The following DLGAP2 variants were observed in gnomAD, a reference collection of about 807,000 sequenced individuals.
DLGAP2 encodes DLG associated protein 2, also known as disks large-associated protein 2.
DLGAP2 carries 26 observed loss-of-function variants against 100.3 expected under a neutral mutation model. That is an observed-to-expected ratio of 0.26 (90% CI 0.19 to 0.36). The LOEUF (loss-of-function observed/expected upper bound fraction) is 0.36, where lower values mean the gene tolerates loss of function less well. DLGAP2 is among the 10% of genes least tolerant of loss of function. The pLI is 1.00. For synonymous variants in DLGAP2, 886 were observed against 630.1 expected (o/e 1.41, Z -6.08); for missense variants, 1,858 against 1,453.2 (o/e 1.28, Z -4.53).
At chr8:1,573,251 T>A (rs111244223) in intron 6 of DLGAP2, among the ~76,000 whole-genome samples, 28 of 119,194 alleles carry the variant, frequency 2.3e-4, no homozygotes, top group Middle Eastern at 5.1e-3. Context: ...GGGCGTCTTC[T>A]GGGATGGAGA....
intron 3 of DLGAP2, among the ~76,000 whole-genome samples, chr8:1,469,364 C>T (rs557972463): frequency 7.2e-5 from 11 of 152,348 alleles, no homozygotes; most frequent in South Asian, 2.1e-4. Flanking sequence ...TTTATTCTGG[C>T]TCCTAGGAGC....
intron 3 of DLGAP2, among the ~76,000 whole-genome samples, chr8:1,362,647 G>A (rs926368503): frequency 9.2e-5 from 14 of 152,170 alleles, no homozygotes; most frequent in African/African-American, 3.4e-4. Context: ...AGCTTTCTCT[G>A]AAAGCATTTT....
chr8:1,552,302 C>A (rs376066234), intron 5 of DLGAP2, among the ~76,000 whole-genome samples: 9 of 152,354 alleles, frequency 5.9e-5, no homozygotes, highest in African/African-American at 1.9e-4. Context: ...AGGGCGTTTT[C>A]TTGCAGTAGC....
At chr8:1,270,469 T>C (rs1302114216) in intron 3 of DLGAP2, among the ~76,000 whole-genome samples, 1 of 152,214 alleles carries the variant, frequency 6.6e-6, no homozygotes, top group African/African-American at 2.4e-5. Context: ...GTTTCCACTC[T>C]TGCCTTACGT....
chr8:814,844 C>T (rs1215302709), intron 1 of DLGAP2, among the ~76,000 whole-genome samples: 2 of 120,654 alleles, frequency 1.7e-5, no homozygotes, highest in Non-Finnish European at 3.3e-5. Flanking sequence ...GAGCAAGACT[C>T]CGTCTCAAAA....
intron 2 of DLGAP2, among the ~76,000 whole-genome samples, chr8:951,590 C>T (rs1799481340): frequency 6.6e-6 from 1 of 152,100 alleles, no homozygotes; most frequent in Non-Finnish European, 1.5e-5. Context: ...CTTTTAGTAC[C>T]CTTGATAATT....
At chr8:1,094,614 G>T (rs1270004319) in intron 2 of DLGAP2, among the ~76,000 whole-genome samples, 1 of 152,194 alleles carries the variant, frequency 6.6e-6, no homozygotes, top group African/African-American at 2.4e-5. Flanking sequence ...GAATTCCTCG[G>T]CTCATCACAA....
rs535575225 is a variant in DLGAP2, at chr8:1,202,269, T to A, written c.74-56582T>A. ...GTGTGTGTGTGTGTGTGTGTGTGTG[T>A]GTGTCTGTGGTGCATGTATGTAGTA... is the stretch of plus-strand genomic sequence containing the variant. On this transcript the variant is annotated intron_variant, in intron 2 of 14. Transcript: ENST00000637795. Among the ~76,000 whole-genome samples, 5 of 140,806 alleles carry A rather than the reference T, an allele frequency of 3.6e-5. No homozygotes were observed. In the East Asian group the frequency reaches 1.0e-3, roughly 29 times the overall value. The allele number at this position is 140,806 out of a possible 152,430, so 92.4% of individuals were successfully genotyped here. A position where few individuals can be genotyped will look rare whatever the true frequency, so the allele number is the denominator to read the frequency against.
At position 1,072,207 on chromosome 8, in the gene DLGAP2, G is replaced by A. The variant is rs564740123; in HGVS notation, c.73+164241G>A. Among the ~76,000 whole-genome samples, 4 of 152,312 alleles carry A rather than the reference G, an allele frequency of 2.6e-5. No individual in the cohort carries two copies. The East Asian group carries it at 7.7e-4, about 29-fold the overall frequency. ...CGAGAGACATTCCCCCAGGGACTGT[G>A]AGGGGACCGGGAGCCTCCTGATTGA... is the stretch of plus-strand genomic sequence containing the variant. On this transcript the variant is annotated intron_variant, in intron 2 of 14. Coordinates refer to ENST00000637795, the MANE Select transcript of DLGAP2 (RefSeq NM_001346810.2).
At chr8:1,182,663 G>A (rs1357660040) in intron 2 of DLGAP2, among the ~76,000 whole-genome samples, 1 of 152,190 alleles carries the variant, frequency 6.6e-6, no homozygotes, top group Non-Finnish European at 1.5e-5. Flanking sequence ...GTGGTGAGTT[G>A]GGCATTGAGC....
chr8:1,001,133 A>G (rs557996619), intron 2 of DLGAP2, among the ~76,000 whole-genome samples: 3 of 152,234 alleles, frequency 2.0e-5, no homozygotes, highest in African/African-American at 7.2e-5. Context: ...ACATTTATTC[A>G]TGAGTGTGTG....
chr8:1,244,107 G>A (rs1260543122), intron 2 of DLGAP2, among the ~76,000 whole-genome samples: 1 of 152,218 alleles, frequency 6.6e-6, no homozygotes, highest in African/African-American at 2.4e-5. Context: ...TTCCACCGTA[G>A]GGATGGTGAG....
chr8:809,414 C>T (rs1481466696), intron 1 of DLGAP2, among the ~76,000 whole-genome samples: 5 of 150,930 alleles, frequency 3.3e-5, no homozygotes, highest in South Asian at 2.1e-4. Context: ...TAAGAAAATA[C>T]GTCATCAGTA....
chr8:1,612,529 A>C (rs1162655816), intron 6 of DLGAP2, among the ~76,000 whole-genome samples: 3 of 138,878 alleles, frequency 2.2e-5, no homozygotes, highest in Admixed American at 7.4e-5. Context: ...ACCAAAGCCA[A>C]AATTGACAAA....
At position 1,378,641 on chromosome 8, in the gene DLGAP2, A is replaced by G. The variant is rs1419947968; in HGVS notation, c.106+119758A>G. Among the ~76,000 whole-genome samples, 9 of 152,138 alleles carry G rather than the reference A, an allele frequency of 5.9e-5. No homozygotes were observed. In the East Asian group the frequency reaches 1.5e-3, roughly 26 times the overall value. The stretch of plus-strand genomic sequence containing the variant: ...GTCTGTCCTGCGCACACCTGGCCTC[A>G]TCTGTCCGTCCTGCACACATGGGTT... On this transcript the variant is annotated intron_variant, in intron 3 of 14. Coordinates refer to ENST00000637795, the MANE Select transcript of DLGAP2 (RefSeq NM_001346810.2).
rs1360185283 is a variant in DLGAP2, at chr8:1,258,839, C to G, written c.74-12C>G. On this transcript the variant is annotated splice_polypyrimidine_tract_variant and intron_variant, in intron 2 of 14. Transcript: ENST00000637795. ...TGTGGGTGTAACAGCTTCTCTCTGT[C>G]TCTGTTTTCAGAGTCGCAGTGCACG... 2 of 1,231,682 alleles carry G rather than the reference C, an allele frequency of 1.6e-6. No homozygotes were observed. The highest frequency in any genetic ancestry group is 3.2e-5 in the East Asian group (1 of 31,684). 76.3% of individuals were successfully genotyped at this position (1,231,682 alleles called of 1,614,324 possible). A position where few individuals can be genotyped will look rare whatever the true frequency, so the allele number is the denominator to read the frequency against.
At chr8:890,680 C>G (rs1798016968) in intron 1 of DLGAP2, among the ~76,000 whole-genome samples, 1 of 152,014 alleles carries the variant, frequency 6.6e-6, no homozygotes, top group Admixed American at 6.5e-5. Context: ...GTGCCACCAG[C>G]AGAGCCACCT....
chr8:908,361 A>T (rs1312657218), intron 2 of DLGAP2, among the ~76,000 whole-genome samples: 1 of 152,198 alleles, frequency 6.6e-6, no homozygotes, highest in Non-Finnish European at 1.5e-5. Context: ...ATCTGTTTGC[A>T]GTCAAGGCCT....
intron 2 of DLGAP2, among the ~76,000 whole-genome samples, chr8:958,190 T>G (rs1232032165): frequency 6.6e-6 from 1 of 152,226 alleles, no homozygotes; most frequent in Non-Finnish European, 1.5e-5. Context: ...CAAGATTCAT[T>G]TATGTGGTGG....
Sources: allele counts gnomAD v4.1 joint callset (sites outside exome capture counted in the v4.1 genomes callset), GRCh38; gene constraint gnomAD v4.1.1; transcripts MANE v1.5; gene names NCBI Gene and HGNC (gene_info 2026-07-23, HGNC 2026-07-21).